The following KHDRBS3 variants were observed in gnomAD, a reference collection of about 807,000 sequenced individuals.
KHDRBS3 encodes KH RNA binding domain containing, signal transduction associated 3.
A neutral mutation model predicts 45.6 loss-of-function variants in KHDRBS3; 23 were observed. That is an observed-to-expected ratio of 0.50 (90% CI 0.36 to 0.72). The LOEUF is 0.72. Among genes scored for constraint, KHDRBS3 ranks in the 30% least tolerant of loss-of-function variants. The probability of loss-of-function intolerance (pLI) is 0.00; values close to 1 mark genes in which losing one functional copy is unlikely to be tolerated. For synonymous variants in KHDRBS3, 162 were observed against 156.5 expected (o/e 1.04, Z -0.26); for missense variants, 352 against 424.8 (o/e 0.83, Z 1.51).
At chr8:135,510,289 A>T (rs371817069) in intron 1 of KHDRBS3, among the ~76,000 whole-genome samples, 2 of 152,320 alleles carry the variant, frequency 1.3e-5, no homozygotes, top group East Asian at 3.9e-4. Context: ...TAATGCCTTT[A>T]TTTGAGCAGA....
intron 6 of KHDRBS3, among the ~76,000 whole-genome samples, chr8:135,606,439 A>C (rs1325672824): frequency 6.6e-6 from 1 of 152,152 alleles, no homozygotes; most frequent in Admixed American, 6.5e-5. Context: ...CTGAGGAAAA[A>C]GGCATTTTGC....
chr8:135,564,061 A>G (rs549536166), intron 5 of KHDRBS3, among the ~76,000 whole-genome samples: 2 of 152,288 alleles, frequency 1.3e-5, no homozygotes, highest in South Asian at 4.1e-4. Context: ...ATCAGTTTTC[A>G]TCGAATCAGG....
chr8:135,546,867 A>T (rs1826330845), intron 3 of KHDRBS3, among the ~76,000 whole-genome samples: 1 of 151,374 alleles, frequency 6.6e-6, no homozygotes. Context: ...TTTGGTAATA[A>T]CTCCCCTCTC....
chr8:135,513,705 A>G (rs768077952), intron 1 of KHDRBS3, among the ~76,000 whole-genome samples: 6 of 152,078 alleles, frequency 3.9e-5, no homozygotes, highest in Non-Finnish European at 8.8e-5. Context: ...TATCTCTTCA[A>G]TTTTGGGGGC....
At chr8:135,554,935 G>C (rs1586713254) in intron 4 of KHDRBS3, among the ~76,000 whole-genome samples, 1 of 152,148 alleles carries the variant, frequency 6.6e-6, no homozygotes, top group South Asian at 2.1e-4. Context: ...AAAATCCTCT[G>C]TTCCTCCCTG....
intron 5 of KHDRBS3, among the ~76,000 whole-genome samples, chr8:135,571,247 ATCCACT>A (rs573078611): frequency 7.9e-4 from 121 of 152,298 alleles, no homozygotes; most frequent in African/African-American, 2.9e-3. Context: ...TTTAAACAAG[ATCCACT>A]AATAAGCTAA....
chr8:135,499,512 A>G (rs182465198), intron 1 of KHDRBS3, among the ~76,000 whole-genome samples: 24 of 152,286 alleles, frequency 1.6e-4, no homozygotes, highest in African/African-American at 4.6e-4. Context: ...ACAAAATGCA[A>G]ATTGCAACAC....
At chr8:135,529,757 A>C (rs1235415961) in intron 2 of KHDRBS3, among the ~76,000 whole-genome samples, 1 of 152,158 alleles carries the variant, frequency 6.6e-6, no homozygotes, top group Non-Finnish European at 1.5e-5. Context: ...CAAAGCAGTA[A>C]ATTTAGAAAT....
At chr8:135,605,063 ATTCT>A (rs1829396209) in intron 6 of KHDRBS3, among the ~76,000 whole-genome samples, 1 of 151,892 alleles carries the variant, frequency 6.6e-6, no homozygotes, top group South Asian at 2.1e-4. Flanking sequence ...TACTTTCAAG[ATTCT>A]GTCTTTGTCT....
At chr8:135,642,219 G>T (rs1188519093) in intron 7 of KHDRBS3, among the ~76,000 whole-genome samples, 1 of 152,244 alleles carries the variant, frequency 6.6e-6, no homozygotes, top group Admixed American at 6.5e-5. Context: ...CCCGTGGTGA[G>T]CAAAAGCCAC....
chr8:135,489,343 TA>T (rs1823025062), intron 1 of KHDRBS3, among the ~76,000 whole-genome samples: 1 of 152,282 alleles, frequency 6.6e-6, no homozygotes, highest in Non-Finnish European at 1.5e-5. Context: ...CTAGACTTAA[TA>T]TGTGTGTATT....
At chr8:135,474,842 G>A (rs891006333) in intron 1 of KHDRBS3, among the ~76,000 whole-genome samples, 12 of 152,132 alleles carry the variant, frequency 7.9e-5, no homozygotes, top group Non-Finnish European at 1.3e-4. Flanking sequence ...TCAGAAGTCC[G>A]CGTGGCTCCC....
intron 2 of KHDRBS3, among the ~76,000 whole-genome samples, chr8:135,536,945 C>A (rs1047195392): frequency 8.6e-6 from 1 of 116,756 alleles, no homozygotes; most frequent in Non-Finnish European, 1.6e-5. Flanking sequence ...CCGACCTGGG[C>A]GACAGAGCGA....
At chr8:135,540,072 A>T (rs1825969123) in intron 2 of KHDRBS3, 1 of 152,236 alleles carries the variant, frequency 6.6e-6, no homozygotes, top group Admixed American at 6.5e-5. Flanking sequence ...TGCAAGATAA[A>T]TATGACTATT....
intron 4 of KHDRBS3, among the ~76,000 whole-genome samples, chr8:135,552,431 G>A (rs1195120703): frequency 3.3e-5 from 5 of 152,088 alleles, no homozygotes; most frequent in African/African-American, 7.2e-5. Flanking sequence ...TTGGCAATAC[G>A]CTTTTTAAAT....
intron 1 of KHDRBS3, among the ~76,000 whole-genome samples, chr8:135,499,280 A>T (rs1283462412): frequency 6.6e-6 from 1 of 151,990 alleles, no homozygotes; most frequent in Non-Finnish European, 1.5e-5. Flanking sequence ...TAGCTCCTTA[A>T]CAACAGTCCT....
chr8:135,567,112 G>A (rs1036314838), intron 5 of KHDRBS3, among the ~76,000 whole-genome samples: 3 of 152,202 alleles, frequency 2.0e-5, no homozygotes. Context: ...AGTGGGGTTG[G>A]AGTTGACCAC....
At chr8:135,593,286 A>T (rs1327492700) in intron 6 of KHDRBS3, 1 of 151,822 alleles carries the variant, frequency 6.6e-6, no homozygotes, top group Non-Finnish European at 1.5e-5. Context: ...AGTAGTTGTC[A>T]CCCCCACTTT....
chr8:135,623,084 A>G (rs545660746), intron 7 of KHDRBS3, among the ~76,000 whole-genome samples: 2 of 152,342 alleles, frequency 1.3e-5, no homozygotes, highest in South Asian at 4.1e-4. Flanking sequence ...GTTAGGTTCC[A>G]TGAAATTCTA....
Sources: gnomAD v4.1 joint callset for allele counts (sites outside exome capture counted in the v4.1 genomes callset) on GRCh38, gnomAD v4.1.1 for gene constraint, MANE v1.5 for transcripts, NCBI Gene and HGNC (gene_info 2026-07-23, HGNC 2026-07-21) for gene names.